VEPH1: variants seen among roughly 807,000 people sequenced by gnomAD.
The protein encoded by VEPH1 is ventricular zone-expressed PH domain-containing protein homolog 1.
VEPH1 carries 80 observed loss-of-function variants against 85.2 expected under a neutral mutation model. The observed-to-expected ratio is 0.94, with a 90% CI of 0.78 to 1.13. The LOEUF (loss-of-function observed/expected upper bound fraction) is 1.13, where lower values mean the gene tolerates loss of function less well. Among genes scored for constraint, VEPH1 ranks in the 50% most tolerant of loss-of-function variants. The pLI, the probability that VEPH1 is intolerant of heterozygous loss-of-function variation, is 0.00. For synonymous variants in VEPH1, 297 were observed against 348.0 expected (o/e 0.85, Z 1.63); for missense variants, 955 against 980.5 (o/e 0.97, Z 0.35).
chr3:157,371,504 G>T (rs1437101292), intron 7 of VEPH1, among the ~76,000 whole-genome samples: 1 of 152,176 alleles, frequency 6.6e-6, no homozygotes, highest in African/African-American at 2.4e-5. Flanking sequence ...TGGACCAGCG[G>T]CATCAGCATC....
At position 157,279,824 on chromosome 3, in the gene VEPH1, T is replaced by G. The variant is rs1196138909; in HGVS notation, c.2128+6733A>C. On this transcript the variant is annotated intron_variant, in intron 12 of 13. Transcript: ENST00000362010. ...CGAGGTCAAGAGATTGAGATCATCC[T>G]GGCCAACATGGTGAAACCCTGTATC... Among the ~76,000 whole-genome samples, 5 of 152,076 alleles carry G rather than the reference T, an allele frequency of 3.3e-5. No homozygotes were observed. The East Asian group carries it at 9.6e-4, about 29-fold the overall frequency.
intron 9 of VEPH1, among the ~76,000 whole-genome samples, chr3:157,358,406 TTCTCAAATTGTGTGAAAAAGA>T (rs1165981915): frequency 6.6e-6 from 1 of 152,232 alleles, no homozygotes; most frequent in Admixed American, 6.5e-5. Flanking sequence ...CTGTTTTTCT[TTCTCAAATTGTGTGAAAAAGA>T]TTTAAAATTC....
At chr3:157,497,748 C>G (rs376670948) in intron 1 of VEPH1, among the ~76,000 whole-genome samples, 1 of 152,166 alleles carries the variant, frequency 6.6e-6, no homozygotes, top group Non-Finnish European at 1.5e-5. Context: ...TTACATGACA[C>G]CTGGTGTGGA....
chr3:157,269,346 T>C (rs577636341), intron 12 of VEPH1, among the ~76,000 whole-genome samples: 2 of 152,248 alleles, frequency 1.3e-5, no homozygotes, highest in East Asian at 3.9e-4. Context: ...GATGAAGGAC[T>C]TCAGAGACAA....
At chr3:157,335,473 C>A (rs915063486) in intron 9 of VEPH1, among the ~76,000 whole-genome samples, 2 of 152,018 alleles carry the variant, frequency 1.3e-5, no homozygotes, top group Non-Finnish European at 1.5e-5. Context: ...ATACAGAAAA[C>A]TGAGACAGGA....
intron 11 of VEPH1, among the ~76,000 whole-genome samples, chr3:157,307,706 A>T (rs916655441): frequency 3.9e-5 from 6 of 151,902 alleles, no homozygotes; most frequent in African/African-American, 1.4e-4. Flanking sequence ...TTCTAAATTT[A>T]GGACCAGTTT....
intron 7 of VEPH1, 118 bp from the exon 8 acceptor site, chr3:157,364,630 C>A: frequency 9.5e-6 from 9 of 950,778 alleles, no homozygotes; most frequent in East Asian, 2.6e-5. Context: ...TAATTTTTTT[C>A]ATTGGTCATT....
chr3:157,405,570 C>A (rs1232970181), intron 6 of VEPH1, among the ~76,000 whole-genome samples: 4 of 152,154 alleles, frequency 2.6e-5, no homozygotes, highest in African/African-American at 7.2e-5. Context: ...TCATCCTATG[C>A]TCCAAGCACT....
At position 157,313,755 on chromosome 3, in the gene VEPH1, T is replaced by A. The variant is rs1409029802; in HGVS notation, c.1876A>T (p.Ser626Cys). 6.2e-7 allele frequency: 1 copy of A among 1,614,002 alleles called. No individual in the cohort carries two copies. Among genetic ancestry groups the A allele is most frequent in the Admixed American group, 1.7e-5 (1 of 59,984 alleles). Residue 626 changes from serine (S) to cysteine (C), a missense_variant and splice_region_variant, in exon 11 of 14, where the codon AGC becomes TGC. Physicochemically the swap from Ser to Cys is moderately radical, Grantham distance 112. Transcript: ENST00000362010. ...WIQIMFLFQQ[S>C]LFPEPLSIQS... ...ATGGACAGGGGTTCAGGAAACAGGC[T>A]CTGAAAGGGCATTAAAGACAGAAAC...
intron 6 of VEPH1, among the ~76,000 whole-genome samples, chr3:157,403,532 A>C (rs944531075): frequency 6.6e-6 from 1 of 152,134 alleles, no homozygotes; most frequent in African/African-American, 2.4e-5. Flanking sequence ...GAGTGAGTAA[A>C]GTATCATTTC....
At chr3:157,330,989 C>G (rs1408480901) in intron 9 of VEPH1, among the ~76,000 whole-genome samples, 1 of 152,226 alleles carries the variant, frequency 6.6e-6, no homozygotes, top group East Asian at 1.9e-4. Context: ...TACCTAGCTG[C>G]TGCTAGTGCT....
chr3:157,396,731 G>A (rs1730415748), intron 6 of VEPH1, among the ~76,000 whole-genome samples: 2 of 151,922 alleles, frequency 1.3e-5, no homozygotes, highest in South Asian at 4.1e-4. Context: ...TTGATCACAT[G>A]TATGTCTTCT....
chr3:157,473,873 T>C (rs562657891), intron 2 of VEPH1, among the ~76,000 whole-genome samples: 3 of 152,290 alleles, frequency 2.0e-5, no homozygotes, highest in Non-Finnish European at 2.9e-5. Flanking sequence ...TTTTAGCATT[T>C]ATAGGTACAT....
intron 4 of VEPH1, among the ~76,000 whole-genome samples, chr3:157,455,833 G>A (rs1735329839): frequency 6.6e-6 from 1 of 152,150 alleles, no homozygotes; most frequent in Non-Finnish European, 1.5e-5. Flanking sequence ...TGATTGATGG[G>A]CGTTTAGGTT....
At chr3:157,457,809 A>G (rs1404928257) in intron 4 of VEPH1, among the ~76,000 whole-genome samples, 1 of 152,108 alleles carries the variant, frequency 6.6e-6, no homozygotes, top group East Asian at 1.9e-4. Flanking sequence ...GTTCAAGGAT[A>G]TTGCCTTGAA....
At position 157,413,595 on chromosome 3, in the gene VEPH1, A is replaced by C. The variant is rs1036385220; in HGVS notation, c.906+286T>G. On this transcript the variant is annotated intron_variant, in intron 6 of 13. Transcript: ENST00000362010. ...TTCTTCAGGTGACACAGCAGCAATAAAAGACTCACTTCCTAAACCTTCCAC... is the reference window on the plus strand; with the variant it reads ...TTCTTCAGGTGACACAGCAGCAATACAAGACTCACTTCCTAAACCTTCCAC... 2.1e-5 allele frequency: 21 copies of C among 985,246 alleles called. No homozygotes were observed. The African/African-American group carries it at 3.5e-4, about 16-fold the overall frequency. 61.0% of individuals were successfully genotyped at this position (985,246 alleles called of 1,614,324 possible).
intron 12 of VEPH1, among the ~76,000 whole-genome samples, chr3:157,283,097 G>A (rs1019462411): frequency 5.3e-5 from 8 of 152,132 alleles, no homozygotes; most frequent in South Asian, 2.1e-4. Context: ...GTAAGTCATC[G>A]AGGAAGTAGA....
At chr3:157,478,230 C>T (rs1381745921) in intron 2 of VEPH1, among the ~76,000 whole-genome samples, 2 of 152,164 alleles carry the variant, frequency 1.3e-5, no homozygotes, top group Non-Finnish European at 2.9e-5. Context: ...TCTGAAGGGT[C>T]ATCCCAGTTC....
At chr3:157,452,284 CT>C (rs774045588) in intron 4 of VEPH1, among the ~76,000 whole-genome samples, 1 of 152,036 alleles carries the variant, frequency 6.6e-6, no homozygotes, top group Non-Finnish European at 1.5e-5. Flanking sequence ...GAGAGGGAAA[CT>C]ATGAATGTTA....
Sources: allele counts gnomAD v4.1 joint callset (sites outside exome capture counted in the v4.1 genomes callset), GRCh38; gene constraint gnomAD v4.1.1; transcripts MANE v1.5; gene names NCBI Gene and HGNC (gene_info 2026-07-23, HGNC 2026-07-21).